ANKRD53: variants seen among roughly 807,000 people sequenced by gnomAD.
ANKRD53 encodes ankyrin repeat domain 53, also known as ankyrin repeat domain-containing protein 53.
ANKRD53 carries 27 observed loss-of-function variants against 30.1 expected under a neutral mutation model. That is an observed-to-expected ratio of 0.90 (90% CI 0.66 to 1.24). The LOEUF is 1.24. Among genes scored for constraint, ANKRD53 ranks in the 50% most tolerant of loss-of-function variants. The pLI is 0.00. For synonymous variants in ANKRD53, 286 were observed against 295.4 expected (o/e 0.97, Z 0.33); for missense variants, 682 against 721.0 (o/e 0.95, Z 0.62).
Position 70,984,770 on chromosome 2 carries a change from CCCTCTGTGGATG to C in ANKRD53, c.1065_1076del (p.Ser356_Ala359del). On this transcript the variant is annotated inframe_deletion, in exon 6 of 6. Transcript: ENST00000360589. ...ATCGCAGCGTTCCAGGAGCTTCCAC[CCCTCTGTGGATG>C]CACGCCTGCAATGCATTCCACAGCC... 3.2e-6 allele frequency: 5 copies of C among 1,571,068 alleles called. No individual in the cohort carries two copies. Among genetic ancestry groups the C allele is most frequent in the Non-Finnish European group, 4.3e-6 (5 of 1,157,372 alleles).
At chr2:70,978,468 G>C (rs545377130), upstream of ANKRD53, 6 of 655,340 alleles carry the variant, frequency 9.2e-6, no homozygotes, top group Admixed American at 4.3e-5. This position sits in a 1 kb window ranked among gnomAD's most constrained non-coding sequence, Gnocchi z 4.3. Context: ...GCGGCAGGCG[G>C]GCAGGGTCCC....
rs377711954 is a variant in ANKRD53, at chr2:70,984,146, C to A, written c.904-465C>A. The A allele has an allele frequency of 1.9e-6, 3 of 1,614,080 alleles. 1 individual carries two copies. The Admixed American group carries it at 5.0e-5, about 27-fold the overall frequency. On this transcript the variant is annotated intron_variant, in intron 5 of 5. Coordinates refer to ENST00000360589, the MANE Select transcript of ANKRD53 (RefSeq NM_001115116.2). ...AGGGTCAAGGATGCAGTGTGCACTTCCCATTTGCCTTTTCCCCCATCACAC... is the reference window on the plus strand; with the variant it reads ...AGGGTCAAGGATGCAGTGTGCACTTACCATTTGCCTTTTCCCCCATCACAC...
chr2:70,984,982 G>A lies in ANKRD53; in HGVS notation c.1275G>A (p.Glu425=), dbSNP rs1553424501. ...AGCACGACTTCAGCAGCTTCCTGGA[G>A]GTGAGGCCTGATGGGCACGGCGGTG... The part of the protein sequence containing the change: ...TPEHDFSSFL[E]VRPDGHGGAR... Residue 425 remains glutamate, a synonymous_variant, in exon 6 of 6, where the codon GAG becomes GAA. Coordinates refer to ENST00000360589, the MANE Select transcript of ANKRD53 (RefSeq NM_001115116.2). 4 of 1,549,928 alleles carry A rather than the reference G, an allele frequency of 2.6e-6. No individual in the cohort carries two copies. Among genetic ancestry groups the A allele is most frequent in the Middle Eastern group, 1.7e-4 (1 of 5,990 alleles).
At chr2:70,981,327 A>G (rs1468296292) in intron 3 of ANKRD53, among the ~76,000 whole-genome samples, 1 of 152,140 alleles carries the variant, frequency 6.6e-6, no homozygotes, top group Admixed American at 6.5e-5. Flanking sequence ...ATCCTGACAG[A>G]GCATGGGAAG....
At position 70,982,827 on chromosome 2, in the gene ANKRD53, G is replaced by C. The variant is rs1417989171; in HGVS notation, c.903+130G>C. On this transcript the variant is annotated intron_variant, in intron 5 of 5. Coordinates refer to ENST00000360589, the MANE Select transcript of ANKRD53 (RefSeq NM_001115116.2). The surrounding 1 kb of genome is among the most constrained non-coding windows in gnomAD (Gnocchi z 4.2). ...CCCTGAAAGAGCCACCCTTTCGCCT[G>C]TACTCCCACCGGGTACTCTGACTGA... The C allele has an allele frequency of 2.4e-6, 3 of 1,245,302 alleles. No homozygotes were observed. The highest frequency in any genetic ancestry group is 3.3e-6 in the Non-Finnish European group (3 of 921,408). The allele number at this position is 1,245,302 out of a possible 1,614,324, so 77.1% of individuals were successfully genotyped here. A position where few individuals can be genotyped will look rare whatever the true frequency, so the allele number is the denominator to read the frequency against.
Position 70,979,819 on chromosome 2 carries a change from C to T in ANKRD53, c.576C>T (p.Pro192=), listed in dbSNP as rs1553423232. The T allele has an allele frequency of 1.2e-6, 2 of 1,614,258 alleles. No individual in the cohort carries two copies. The highest frequency in any genetic ancestry group is 1.1e-5 in the South Asian group (1 of 91,088). The change falls in exon 3 of 6, where the codon CCC becomes CCT. Residue 192 remains proline, a synonymous_variant. Coordinates refer to ENST00000360589, the MANE Select transcript of ANKRD53 (RefSeq NM_001115116.2). ...GGGACAACACCACCGTGGCCCTCCC[C>T]TGCATCTACTACCTGCTGGAGAAAG... is the stretch of plus-strand genomic sequence containing the variant. ...IHRDNTTVAL[P]CIYYLLEKGA...
In ANKRD53 at chr2:70,984,616, G is replaced by A. The variant is rs1553424301; in HGVS notation, c.909G>A (p.Glu303=). The A allele has an allele frequency of 1.9e-6, 3 of 1,613,910 alleles. No homozygotes were observed. In the South Asian group the frequency reaches 3.3e-5, roughly 18 times the overall value. The change falls in exon 6 of 6, where the codon GAG becomes GAA. Residue 303 remains glutamate, a synonymous_variant. Coordinates refer to ENST00000360589, the MANE Select transcript of ANKRD53 (RefSeq NM_001115116.2). ...TGTGCCCTCTGTTGTTGCAGAAAGA[G>A]CACAAAATTCTCAGAGAAGCTGCTA... is the stretch of plus-strand genomic sequence containing the variant. ...EHNYLIEYQK[E]HKILREAAIR...
intron 2 of ANKRD53, 58 bp downstream of exon 2, chr2:70,979,401 A>G: frequency 1.1e-5 from 17 of 1,605,354 alleles, no homozygotes; most frequent in Non-Finnish European, 1.4e-5. Context: ...CGCTGCTCGG[A>G]GTGGTCACCT....
Position 70,982,887 on chromosome 2 carries a change from CAA to C in ANKRD53, c.903+193_903+194del, listed in dbSNP as rs1670053772. Among the ~76,000 whole-genome samples, 1 of 152,156 alleles carries C rather than the reference CAA, an allele frequency of 6.6e-6. No individual in the cohort carries two copies. Among genetic ancestry groups the C allele is most frequent in the Non-Finnish European group, 1.5e-5 (1 of 68,040 alleles). On this transcript the variant is annotated intron_variant, in intron 5 of 5. Transcript: ENST00000360589. The surrounding 1 kb of genome is among the most constrained non-coding windows in gnomAD (Gnocchi z 4.2). ...CTTTTAAATAAGCCAGTCTTTTGGT[CAA>C]AAGTCTTATCCTGTGTTAGAAAGCC...
chr2:70,985,468 T>C lies in ANKRD53; in HGVS notation c.*168T>C, dbSNP rs1553424766. ...AAGCCCAGACCCCAGGCCTCCCTTT[T>C]CTCTGCAAATAAATCTCTTGGCACC... On this transcript the variant is annotated 3_prime_UTR_variant, in exon 6 of 6. Coordinates refer to ENST00000360589, the MANE Select transcript of ANKRD53 (RefSeq NM_001115116.2). 4 of 628,510 alleles carry C rather than the reference T, an allele frequency of 6.4e-6. No individual in the cohort carries two copies. Among genetic ancestry groups the C allele is most frequent in the South Asian group, 6.1e-5 (3 of 49,248 alleles). 38.9% of individuals were successfully genotyped at this position (628,510 alleles called of 1,614,324 possible).
chr2:70,978,764 A>T lies in ANKRD53; in HGVS notation c.119A>T (p.Asn40Ile), dbSNP rs1553422839. 2.5e-6 allele frequency: 4 copies of T among 1,570,388 alleles called. No homozygotes were observed. Among genetic ancestry groups the T allele is most frequent in the Non-Finnish European group, 3.5e-6 (4 of 1,158,398 alleles). Reference sequence around the variant, plus strand: ...CCAAGTGGCTCCATGCAGCAGGCGAACAAAGTCTCCTTGAAGGCCACCTGG... The same window carrying T: ...CCAAGTGGCTCCATGCAGCAGGCGATCAAAGTCTCCTTGAAGGCCACCTGG... Reference protein sequence around the residue: ...PTPSGSMQQANKVSLKATWTD... With the variant: ...PTPSGSMQQAIKVSLKATWTD... Residue 40 changes from asparagine to isoleucine, a missense_variant, in exon 1 of 6, where the codon AAC becomes ATC. Coordinates refer to ENST00000360589, the MANE Select transcript of ANKRD53 (RefSeq NM_001115116.2). The surrounding 1 kb of genome is among the most constrained non-coding windows in gnomAD (Gnocchi z 4.3).
At chr2:70,981,372 G>A (rs782684778) in intron 3 of ANKRD53, among the ~76,000 whole-genome samples, 1 of 152,094 alleles carries the variant, frequency 6.6e-6, no homozygotes, top group African/African-American at 2.4e-5. Context: ...GATGGTGTAG[G>A]GGGTAAAGCA....
At position 70,985,498 on chromosome 2, in the gene ANKRD53, C is replaced by A. The variant is rs965677319; in HGVS notation, c.*198C>A. 2.2e-5 allele frequency: 13 copies of A among 584,654 alleles called. No homozygotes were observed. Among genetic ancestry groups the A allele is most frequent in the Middle Eastern group, 4.5e-4 (1 of 2,232 alleles). The allele number at this position is 584,654 out of a possible 1,614,324, so 36.2% of individuals were successfully genotyped here. A position where few individuals can be genotyped will look rare whatever the true frequency, so the allele number is the denominator to read the frequency against. The stretch of plus-strand genomic sequence containing the variant: ...GCAAATAAATCTCTTGGCACCCCCC[C>A]ACCGCCGCCAGGAAATCCAAGTTAG... On this transcript the variant is annotated 3_prime_UTR_variant, in exon 6 of 6. Transcript: ENST00000360589.
chr2:70,984,442 A>G (rs1553424266), intron 5 of ANKRD53, 169 bp from the exon 6 acceptor site: 2 of 985,284 alleles, frequency 2.0e-6, no homozygotes, highest in South Asian at 4.7e-5. Context: ...ACCGGCTCCC[A>G]TAAGGCAGGT....
In ANKRD53 at chr2:70,984,758, A is replaced by G. The variant is rs2104863080; in HGVS notation, c.1051A>G (p.Arg351Gly). The G allele has an allele frequency of 6.3e-7, 1 of 1,581,120 alleles. No individual in the cohort carries two copies. Among genetic ancestry groups the G allele is most frequent in the East Asian group, 2.3e-5 (1 of 42,880 alleles). ...TPEQRESQRS[R>G]SFHPSVDARL... The stretch of plus-strand genomic sequence containing the variant: ...AGAGCAACGGGAATCGCAGCGTTCC[A>G]GGAGCTTCCACCCCTCTGTGGATGC... The change falls in exon 6 of 6, where the codon AGG (arginine) becomes GGG (glycine). Residue 351 changes from arginine (R) to glycine (G), a missense_variant. Arg to Gly is a moderately radical substitution (Grantham distance 125, BLOSUM62 -2). Transcript: ENST00000360589.
chr2:70,978,768 A>G lies in ANKRD53; in HGVS notation c.123A>G (p.Lys41=). Residue 41 remains lysine (K), a synonymous_variant, in exon 1 of 6, where the codon AAA becomes AAG. Transcript: ENST00000360589. This position sits in a 1 kb window ranked among gnomAD's most constrained non-coding sequence, Gnocchi z 4.3. The part of the protein sequence containing the change: ...TPSGSMQQAN[K]VSLKATWTDA... ...GTGGCTCCATGCAGCAGGCGAACAA[A>G]GTCTCCTTGAAGGCCACCTGGACTG... 1 of 1,571,164 alleles carries G rather than the reference A, an allele frequency of 6.4e-7. No individual in the cohort carries two copies. The highest frequency in any genetic ancestry group is 2.3e-5 in the East Asian group (1 of 43,274).
In ANKRD53 at chr2:70,984,953, C is replaced by G. The variant is rs1489971903; in HGVS notation, c.1246C>G (p.Pro416Ala). 7.1e-6 allele frequency: 11 copies of G among 1,550,416 alleles called. No individual in the cohort carries two copies. In the East Asian group the frequency reaches 2.4e-4, roughly 34 times the overall value. ...CCTGGGCGTGCATCCAGACCCCACT[C>G]CGGAGCACGACTTCAGCAGCTTCCT... ...IRLGVHPDPT[P>A]EHDFSSFLEV... Residue 416 changes from proline (P) to alanine (A), a missense_variant, in exon 6 of 6, where the codon CCG (proline) becomes GCG (alanine). Transcript: ENST00000360589.
rs74696086 is a variant in ANKRD53, at chr2:70,982,583, G to A, written c.789G>A (p.Leu263=). The A allele has an allele frequency of 6.4e-3, 10,399 of 1,614,132 alleles. 48 individuals are homozygous for A. Among genetic ancestry groups the A allele is most frequent in the Non-Finnish European group, 7.4e-3 (8,675 of 1,179,996 alleles). ...IWNHRACARF[L]KDAMWKKDKK... Reference sequence around the variant, plus strand: ...GCCCTGACCTTGGCACCAGGTTCTTGAAGGATGCCATGTGGAAAAAGGACA... The same window carrying A: ...GCCCTGACCTTGGCACCAGGTTCTTAAAGGATGCCATGTGGAAAAAGGACA... The change falls in exon 5 of 6, where the codon TTG becomes TTA. Residue 263 remains leucine (L), a synonymous_variant. Transcript: ENST00000360589. This position sits in a 1 kb window ranked among gnomAD's most constrained non-coding sequence, Gnocchi z 4.2.
chr2:70,984,373 T>A (rs1343457958), intron 5 of ANKRD53: 1 of 1,584,776 alleles, frequency 6.3e-7, no homozygotes, highest in East Asian at 2.2e-5. Context: ...AGAGGTGCTT[T>A]GTCTCCCCAC....
Sources: gnomAD v4.1 joint callset for allele counts (sites outside exome capture counted in the v4.1 genomes callset) on GRCh38, gnomAD v4.1.1 for gene constraint, Gnocchi (gnomAD v3.1) non-coding constraint, MANE v1.5 for transcripts, NCBI Gene and HGNC (gene_info 2026-07-23, HGNC 2026-07-21) for gene names.